The following POLR3C variants were observed in gnomAD, a reference collection of about 807,000 sequenced individuals.
POLR3C encodes RNA polymerase III subunit C, also known as DNA-directed RNA polymerase III subunit RPC3.
In POLR3C, 44 loss-of-function variants were observed where a neutral mutation model predicts 65.9. That is an observed-to-expected ratio of 0.67 (90% CI 0.52 to 0.86). The LOEUF is 0.86. Among genes scored for constraint, POLR3C ranks in the 40% least tolerant of loss-of-function variants. The pLI is 0.00. For missense variants in POLR3C, 576 were observed against 653.2 expected, an observed-to-expected ratio of 0.88 and a Z score of 1.29; for synonymous variants, 263 against 231.6, an observed-to-expected ratio of 1.14 and a Z score of -1.23.
At position 145,834,978 on chromosome 1, in the gene POLR3C, A is replaced by C. The variant is rs868979436; in HGVS notation, c.876+1396A>C. On this transcript the variant is annotated intron_variant, in intron 7 of 14. Transcript: ENST00000334163. ...AACATGACAAGACCCCCGTCTCTAC[A>C]AAAAATTTTTTTAAAAAATTAGTTG... Among the ~76,000 whole-genome samples the C allele has an allele frequency of 5.5e-4, 44 of 79,400 alleles. 1 individual carries two copies. Among genetic ancestry groups the C allele is most frequent in the South Asian group, 3.7e-3 (10 of 2,714 alleles). The allele number at this position is 79,400 out of a possible 152,430, so 52.1% of individuals were successfully genotyped here.
rs879982745 is a variant in POLR3C, at chr1:145,830,627, C to T, written c.678+1790C>T. 2.6e-5 allele frequency among the ~76,000 whole-genome samples: 4 copies of T among 151,530 alleles called. No individual in the cohort carries two copies. The South Asian group carries it at 6.3e-4, about 24-fold the overall frequency. On this transcript the variant is annotated intron_variant, in intron 5 of 14. Coordinates refer to ENST00000334163, the MANE Select transcript of POLR3C (RefSeq NM_006468.8). ...GAGCCTGGTCAACATGGTGAAACCCCGTCTCTACTAAAAATACAAAAATTA... is the reference window on the plus strand; with the variant it reads ...GAGCCTGGTCAACATGGTGAAACCCTGTCTCTACTAAAAATACAAAAATTA...
chr1:145,825,098 A>G (rs1650599827), intron 1 of POLR3C, among the ~76,000 whole-genome samples: 1 of 151,352 alleles, frequency 6.6e-6, no homozygotes, highest in South Asian at 2.1e-4. Flanking sequence ...ATATATTATG[A>G]GTAATTTTTT....
intron 1 of POLR3C, among the ~76,000 whole-genome samples, chr1:145,824,750 A>G (rs1553725322): frequency 6.6e-6 from 1 of 152,158 alleles, no homozygotes; most frequent in African/African-American, 2.4e-5. Flanking sequence ...AAACAACGTA[A>G]CCTCATCTCC....
At chr1:145,837,328 A>G (rs1651933295) in intron 9 of POLR3C, among the ~76,000 whole-genome samples, 3 of 152,200 alleles carry the variant, frequency 2.0e-5, no homozygotes, top group Non-Finnish European at 2.9e-5. Flanking sequence ...CTTTTAATCA[A>G]CCAAATTTTA....
chr1:145,836,918 G>A, intron 9 of POLR3C, 52 bp downstream of exon 9: 1 of 874,450 alleles, frequency 1.1e-6, no homozygotes, highest in East Asian at 2.5e-5. Context: ...CTATAAATCA[G>A]AATGGTGCCT....
chr1:145,839,886 AT>A lies in POLR3C; in HGVS notation c.1222-3del, dbSNP rs1553729917. 2 of 1,528,466 alleles carry A rather than the reference AT, an allele frequency of 1.3e-6. No individual in the cohort carries two copies. Among genetic ancestry groups the A allele is most frequent in the African/African-American group, 2.7e-5 (2 of 73,214 alleles). The allele number at this position is 1,528,466 out of a possible 1,614,324, so 94.7% of individuals were successfully genotyped here. On this transcript the variant is annotated splice_region_variant and splice_polypyrimidine_tract_variant and intron_variant, in intron 11 of 14. Transcript: ENST00000334163. ...TGCTATTTTTCTTTCTATTGGACAA[AT>A]AGGAAATTCCCAAAACACCAGACCA...
At chr1:145,827,758 CAA>C (rs1163679762) in intron 4 of POLR3C, among the ~76,000 whole-genome samples, 14 of 58,546 alleles carry the variant, frequency 2.4e-4, no homozygotes, top group African/African-American at 3.2e-4. Flanking sequence ...GACTCCGTCT[CAA>C]AAAAAAAAAA....
chr1:145,826,057 C>T (rs782472114), intron 2 of POLR3C, 134 bp downstream of exon 2: 31 of 716,906 alleles, frequency 4.3e-5, no homozygotes, highest in Non-Finnish European at 6.3e-5. Flanking sequence ...AATGTTATTT[C>T]GGGGAGAAAA....
At chr1:145,824,423 C>A (rs1004077061) in intron 1 of POLR3C, 54 bp downstream of exon 1, 3 of 597,108 alleles carry the variant, frequency 5.0e-6, no homozygotes, top group African/African-American at 1.9e-5. Context: ...CAAGAGACCA[C>A]GTCCGAAACG....
At position 145,826,727 on chromosome 1, in the gene POLR3C, A is replaced by C; in HGVS notation, c.403+18A>C. The C allele has an allele frequency of 6.2e-7, 1 of 1,613,752 alleles. No homozygotes were observed. Among genetic ancestry groups the C allele is most frequent in the Non-Finnish European group, 8.5e-7 (1 of 1,179,654 alleles). On this transcript the variant is annotated intron_variant, in intron 3 of 14. Transcript: ENST00000334163. Reference sequence around the variant, plus strand: ...CATGGAGGGTCAGTATGGTATCCATAGCTGTTAACAAAAGCATAGATCAGC... The same window carrying C: ...CATGGAGGGTCAGTATGGTATCCATCGCTGTTAACAAAAGCATAGATCAGC...
chr1:145,836,536 G>A lies in POLR3C; in HGVS notation c.919G>A (p.Val307Ile), dbSNP rs1302962321. ...LPVGYNISKQ[V>I]LDQYLTLLAD... ...TGTTGGCTATAACATCTCTAAGCAA[G>A]TTCTTGATCAGTATCTCACTCTGCT... Residue 307 changes from valine (V) to isoleucine (I), a missense_variant, in exon 8 of 15, where the codon GTT becomes ATT. Coordinates refer to ENST00000334163, the MANE Select transcript of POLR3C (RefSeq NM_006468.8). 6.2e-7 allele frequency: 1 copy of A among 1,610,070 alleles called. No homozygotes were observed. Among genetic ancestry groups the A allele is most frequent in the African/African-American group, 1.3e-5 (1 of 74,858 alleles).
At position 145,842,649 on chromosome 1, in the gene POLR3C, G is replaced by T; in HGVS notation, c.*229G>T. 3.4e-6 allele frequency: 2 copies of T among 582,186 alleles called. No individual in the cohort carries two copies. The highest frequency in any genetic ancestry group is 6.1e-6 in the Non-Finnish European group (2 of 327,448). 36.1% of individuals were successfully genotyped at this position (582,186 alleles called of 1,614,324 possible). A position where few individuals can be genotyped will look rare whatever the true frequency, so the allele number is the denominator to read the frequency against. On this transcript the variant is annotated 3_prime_UTR_variant, in exon 15 of 15. Transcript: ENST00000334163. ...GTGGGAAGAACCTTAAATCAACAAG[G>T]TTAATCATCTATCAGATGCATCTGT... is the stretch of plus-strand genomic sequence containing the variant.
chr1:145,836,614 G>A (rs370777820), intron 8 of POLR3C, 40 bp downstream of exon 8: 9 of 1,251,600 alleles, frequency 7.2e-6, no homozygotes, highest in African/African-American at 1.5e-5. Context: ...TCTTTAGCCT[G>A]TACTGTTGAT....
At chr1:145,835,823 C>G (rs1169392788) in intron 7 of POLR3C, among the ~76,000 whole-genome samples, 1 of 152,164 alleles carries the variant, frequency 6.6e-6, no homozygotes, top group African/African-American at 2.4e-5. Flanking sequence ...ATCCTCCCAC[C>G]TCAGCCTCTC....
At chr1:145,827,990 T>G (rs1169790171) in intron 4 of POLR3C, among the ~76,000 whole-genome samples, 1 of 139,248 alleles carries the variant, frequency 7.2e-6, no homozygotes, top group African/African-American at 2.5e-5. Flanking sequence ...AGTTTAGGCC[T>G]CATGTTTCTT....
chr1:145,825,797 G>A lies in POLR3C; in HGVS notation c.21G>A (p.Lys7=), dbSNP rs1242300372. The A allele has an allele frequency of 1.9e-6, 3 of 1,613,606 alleles. No individual in the cohort carries two copies. Among genetic ancestry groups the A allele is most frequent in the East Asian group, 2.2e-5 (1 of 44,874 alleles). The change falls in exon 2 of 15, where the codon AAG becomes AAA. Residue 7 remains lysine (K), a synonymous_variant. Coordinates refer to ENST00000334163, the MANE Select transcript of POLR3C (RefSeq NM_006468.8). The part of the protein sequence containing the change: MTQAEI[K]LCSLLLQEHF... ...GTACAATGACTCAAGCAGAAATTAAGCTCTGTTCTTTGTTGCTGCAAGAGC... is the reference window on the plus strand; with the variant it reads ...GTACAATGACTCAAGCAGAAATTAAACTCTGTTCTTTGTTGCTGCAAGAGC...
In POLR3C at chr1:145,834,347, C is replaced by T. The variant is rs78594634; in HGVS notation, c.876+765C>T. Among the ~76,000 whole-genome samples, 1,480 of 152,242 alleles carry T rather than the reference C, an allele frequency of 9.7e-3. 22 individuals carry two copies. The highest frequency in any genetic ancestry group is 0.034 in the African/African-American group (1,399 of 41,530). The stretch of plus-strand genomic sequence containing the variant: ...ATTAATGTGAATGTGATGGTCTACA[C>T]GCTCAGGCTACACTGTATTTATTAA... On this transcript the variant is annotated intron_variant, in intron 7 of 14. Transcript: ENST00000334163.
intron 1 of POLR3C, among the ~76,000 whole-genome samples, chr1:145,824,793 T>C (rs1650564308): frequency 6.6e-6 from 1 of 152,178 alleles, no homozygotes; most frequent in African/African-American, 2.4e-5. Context: ...AGCAGTCCTT[T>C]ACCTCCTAAA....
chr1:145,838,275 C>A lies in POLR3C; in HGVS notation c.1221+69C>A. 5 of 1,254,700 alleles carry A rather than the reference C, an allele frequency of 4.0e-6. No individual in the cohort carries two copies. In the African/African-American group the frequency reaches 4.4e-5, roughly 11 times the overall value. 77.7% of individuals were successfully genotyped at this position (1,254,700 alleles called of 1,614,324 possible). Reference sequence around the variant, plus strand: ...CCTAGGGTGAGAGAAGCTTCTTAGGCAAACATACTGAACCCCCAAGCAAAC... The same window carrying A: ...CCTAGGGTGAGAGAAGCTTCTTAGGAAAACATACTGAACCCCCAAGCAAAC... On this transcript the variant is annotated intron_variant, in intron 11 of 14. Coordinates refer to ENST00000334163, the MANE Select transcript of POLR3C (RefSeq NM_006468.8).
Sources: allele counts gnomAD v4.1 joint callset (sites outside exome capture counted in the v4.1 genomes callset), GRCh38; gene constraint gnomAD v4.1.1; transcripts MANE v1.5; gene names NCBI Gene and HGNC (gene_info 2026-07-23, HGNC 2026-07-21).